Variants in SEC23B observed in about 807,000 individuals in gnomAD.
SEC23B encodes SEC23 homolog B, COPII component.
A neutral mutation model predicts 104.3 loss-of-function variants in SEC23B; 77 were observed. The observed-to-expected ratio is 0.74, with a 90% confidence interval of 0.61 to 0.89. The LOEUF (loss-of-function observed/expected upper bound fraction) is 0.89, where lower values mean the gene tolerates loss of function less well. SEC23B is among the 40% of genes least tolerant of loss of function. SEC23B has a pLI of 0.00. For synonymous variants in SEC23B, 338 were observed against 332.5 expected (o/e 1.02, Z -0.18); for missense variants, 885 against 949.4 (o/e 0.93, Z 0.89).
intron 10 of SEC23B, among the ~76,000 whole-genome samples, chr20:18,531,823 G>A (rs1191215738): frequency 6.6e-6 from 1 of 152,088 alleles, no homozygotes; most frequent in African/African-American, 2.4e-5. Context: ...GCCAAGGTGG[G>A]GTGATTGCAT....
At position 18,554,624 on chromosome 20, in the gene SEC23B, G is replaced by A. The variant is rs536110679; in HGVS notation, c.2148+234G>A. Among the ~76,000 whole-genome samples, 38 of 152,106 alleles carry A rather than the reference G, an allele frequency of 2.5e-4. No individual in the cohort carries two copies. The East Asian group carries it at 6.4e-3, about 26-fold the overall frequency. The stretch of plus-strand genomic sequence containing the variant: ...GGGCGGATCATGAGGTCAGGAGATC[G>A]AGACCATCCTGGCTAACATGGTGAA... On this transcript the variant is annotated intron_variant, in intron 18 of 19. Coordinates refer to ENST00000650089, the MANE Select transcript of SEC23B (RefSeq NM_006363.6).
At position 18,548,780 on chromosome 20, in the gene SEC23B, T is replaced by C. The variant is rs1371173670; in HGVS notation, c.1905+10T>C. On this transcript the variant is annotated intron_variant, in intron 16 of 19. Transcript: ENST00000650089. ...TCATGGGCCACCAGAGGTGAGGCTC[T>C]ACCCAAATGCTTTCCTGAGGATTGG... is the stretch of plus-strand genomic sequence containing the variant. 1.9e-6 allele frequency: 3 copies of C among 1,613,598 alleles called. No individual in the cohort carries two copies. Among genetic ancestry groups the C allele is most frequent in the Non-Finnish European group, 2.5e-6 (3 of 1,179,466 alleles).
At chr20:18,556,169 T>A (rs540881726) in intron 19 of SEC23B, among the ~76,000 whole-genome samples, 1 of 152,226 alleles carries the variant, frequency 6.6e-6, no homozygotes, top group South Asian at 2.1e-4. Flanking sequence ...TAAATACAAA[T>A]GAAGCTTCAC....
intron 17 of SEC23B, among the ~76,000 whole-genome samples, chr20:18,551,651 T>A (rs2060387942): frequency 6.6e-6 from 1 of 151,948 alleles, no homozygotes; most frequent in South Asian, 2.1e-4. Flanking sequence ...GAGGTTGAGG[T>A]TGTAGTGAGC....
intron 9 of SEC23B, among the ~76,000 whole-genome samples, chr20:18,529,060 GA>G (rs2060159010): frequency 1.3e-5 from 2 of 152,232 alleles, no homozygotes; most frequent in African/African-American, 4.8e-5. Context: ...GGGGCAATAG[GA>G]GATGAATTGG....
chr20:18,514,726 TG>T (rs2060010295), intron 3 of SEC23B, among the ~76,000 whole-genome samples: 1 of 152,204 alleles, frequency 6.6e-6, no homozygotes, highest in African/African-American at 2.4e-5. Flanking sequence ...AGTTCCACAT[TG>T]TATATATGGG....
At chr20:18,559,019 T>C (rs146816194) in intron 19 of SEC23B, among the ~76,000 whole-genome samples, 32 of 149,498 alleles carry the variant, frequency 2.1e-4, no homozygotes, top group African/African-American at 7.6e-4. Context: ...CTGGATCTTA[T>C]TTAAACCTGC....
chr20:18,545,380 G>C (rs12481066), intron 14 of SEC23B, among the ~76,000 whole-genome samples: 103,594 of 152,192 alleles, frequency 0.68, 36,708 homozygotes, highest in Non-Finnish European at 0.8. Context: ...CCTGGCTCAT[G>C]CTGCTAGGAA....
chr20:18,525,814 A>T lies in SEC23B; in HGVS notation c.716A>T (p.Asp239Val), dbSNP rs761034212. Residue 239 changes from aspartate to valine, a missense_variant, in exon 7 of 20, where the codon GAT (aspartate) becomes GTT (valine). Coordinates refer to ENST00000650089, the MANE Select transcript of SEC23B (RefSeq NM_006363.6). ...TTTCTGCAGCCTGTTCACAAGATTG[A>T]TATGAACCTCACTGATCTTCTTGGG... ...SRFLQPVHKI[D>V]MNLTDLLGEL... The T allele has an allele frequency of 1.1e-5, 18 of 1,614,080 alleles. No individual in the cohort carries two copies. The highest frequency in any genetic ancestry group is 1.4e-5 in the Non-Finnish European group (17 of 1,180,044).
Position 18,556,542 on chromosome 20 carries a change from G to A in SEC23B, c.2214+1369G>A, listed in dbSNP as rs150829259. Among the ~76,000 whole-genome samples the A allele has an allele frequency of 2.5e-3, 373 of 152,160 alleles. 7 individuals carry two copies. The highest frequency in any genetic ancestry group is 0.02 in the Admixed American group (304 of 15,282). ...TAGACAATCATGTCATCTGCAAGCC[G>A]GGGACAGTTTTATTTCTTCCTTTTC... is the stretch of plus-strand genomic sequence containing the variant. On this transcript the variant is annotated intron_variant, in intron 19 of 19. Transcript: ENST00000650089.
At chr20:18,553,635 C>T (rs2060408629) in intron 17 of SEC23B, among the ~76,000 whole-genome samples, 1 of 152,152 alleles carries the variant, frequency 6.6e-6, no homozygotes, top group Non-Finnish European at 1.5e-5. Flanking sequence ...GTCTGCTTTC[C>T]ACAGTTTAGC....
chr20:18,525,326 A>C (rs1232380698), intron 6 of SEC23B, among the ~76,000 whole-genome samples: 1 of 152,202 alleles, frequency 6.6e-6, no homozygotes. Context: ...GACTCAGCCC[A>C]TTGAGTGCCT....
chr20:18,537,627 A>C (rs62216400), intron 12 of SEC23B, among the ~76,000 whole-genome samples: 48,143 of 151,900 alleles, frequency 0.32, 8,157 homozygotes, highest in Non-Finnish European at 0.38. Flanking sequence ...AGGAGATATA[A>C]CTAATGCTAA....
At chr20:18,548,351 A>G (rs2060352839) in intron 15 of SEC23B, among the ~76,000 whole-genome samples, 1 of 152,242 alleles carries the variant, frequency 6.6e-6, no homozygotes, top group South Asian at 2.1e-4. Context: ...GAGTAGTGTT[A>G]CGTGTATTCC....
chr20:18,554,762 G>T (rs938278044), intron 18 of SEC23B, among the ~76,000 whole-genome samples: 1 of 148,280 alleles, frequency 6.7e-6, no homozygotes, highest in East Asian at 2.0e-4. Context: ...GGGAGGCAGA[G>T]CTTGCAGTGA....
intron 4 of SEC23B, 35 bp from the exon 5 acceptor site, chr20:18,524,398 A>G (rs746598108): frequency 1.4e-6 from 2 of 1,468,674 alleles, no homozygotes; most frequent in African/African-American, 1.4e-5. Context: ...GTCTATTTGT[A>G]TATTGATCAT....
rs776983439 is a variant in SEC23B at position 18,524,554 on chromosome 20, TG to T, written c.490del (p.Val164TrpfsTer3). On this transcript the variant is annotated frameshift_variant, in exon 5 of 20. Coordinates refer to ENST00000650089, the MANE Select transcript of SEC23B (RefSeq NM_006363.6). LOFTEE classifies it high-confidence loss of function. ...CTGAGTCTTCTTCCTCCAGATGCTC[TG>T]GTGGGTCTGATCACATTTGGAAGGA... ...MSLSLLPPDA[L>X]VGLITFGRMV... is the part of the protein sequence containing the mutation. The T allele has an allele frequency of 3.7e-6, 6 of 1,614,238 alleles. No individual in the cohort carries two copies. In the South Asian group the frequency reaches 6.6e-5, roughly 18 times the overall value.
At chr20:18,550,405 C>T (rs973485076) in intron 16 of SEC23B, among the ~76,000 whole-genome samples, 4 of 152,100 alleles carry the variant, frequency 2.6e-5, no homozygotes, top group African/African-American at 9.7e-5. Context: ...GATCTGCCTG[C>T]CTTGGCCTCC....
At chr20:18,541,125 A>G (rs542684293) in intron 12 of SEC23B, among the ~76,000 whole-genome samples, 125 of 152,300 alleles carry the variant, frequency 8.2e-4, no homozygotes, top group African/African-American at 2.9e-3. Context: ...TTCTTTCCCT[A>G]AACCTCAGGA....
Sources: gnomAD v4.1 joint callset for allele counts (sites outside exome capture counted in the v4.1 genomes callset) on GRCh38, gnomAD v4.1.1 for gene constraint, MANE v1.5 for transcripts, NCBI Gene and HGNC (gene_info 2026-07-23, HGNC 2026-07-21) for gene names.